TAFA2: variants seen among roughly 807,000 people sequenced by gnomAD.
TAFA2 encodes TAFA chemokine like family member 2.
Under a neutral mutation model 18.8 loss-of-function variants are expected in TAFA2, and 7 were observed. The ratio of observed to expected loss-of-function variants is 0.37; its 90% CI spans 0.21 to 0.70. The LOEUF (loss-of-function observed/expected upper bound fraction) is 0.70. Among genes scored for constraint, TAFA2 ranks in the 30% least tolerant of loss-of-function variants. The pLI is 0.53. For synonymous variants in TAFA2, 60 were observed against 54.2 expected, an observed-to-expected ratio of 1.11 and a Z score of -0.47; for missense variants, 122 against 158.1, an observed-to-expected ratio of 0.77 and a Z score of 1.23.
At chr12:61,995,906 C>A (rs1190734119) in intron 1 of TAFA2, among the ~76,000 whole-genome samples, 4 of 151,978 alleles carry the variant, frequency 2.6e-5, no homozygotes, top group African/African-American at 7.3e-5. Context: ...TGTAAATATA[C>A]AAAAATCATT....
intron 2 of TAFA2, among the ~76,000 whole-genome samples, chr12:61,821,967 G>A (rs771792105): frequency 3.9e-5 from 6 of 152,028 alleles, no homozygotes; most frequent in Non-Finnish European, 8.8e-5. Context: ...TACAGTTTAA[G>A]TATTGAATTA....
chr12:62,249,047 A>G (rs1385657078), intron 1 of TAFA2, among the ~76,000 whole-genome samples: 1 of 152,046 alleles, frequency 6.6e-6, no homozygotes, highest in Non-Finnish European at 1.5e-5. Context: ...CCCATGCCCC[A>G]GGGTAATTGT....
chr12:61,725,404 T>G (rs1214815588), intron 4 of TAFA2, among the ~76,000 whole-genome samples: 1 of 152,150 alleles, frequency 6.6e-6, no homozygotes, highest in Non-Finnish European at 1.5e-5. Context: ...TTCTAGAATT[T>G]TTATGGTTTC....
chr12:62,081,285 T>G (rs1159411422), intron 1 of TAFA2, among the ~76,000 whole-genome samples: 1 of 152,172 alleles, frequency 6.6e-6, no homozygotes, highest in Admixed American at 6.5e-5. Context: ...TTCAAGTTAC[T>G]TTCATAATTA....
intron 2 of TAFA2, among the ~76,000 whole-genome samples, chr12:61,761,871 C>T (rs565395821): frequency 6.6e-6 from 1 of 152,150 alleles, no homozygotes; most frequent in African/African-American, 2.4e-5. Flanking sequence ...AAGATGGGTC[C>T]TGGTGGAAGG....
intron 2 of TAFA2, among the ~76,000 whole-genome samples, chr12:61,818,303 C>T (rs2121037045): frequency 6.6e-6 from 1 of 152,138 alleles, no homozygotes; most frequent in Non-Finnish European, 1.5e-5. Context: ...TTTTAACCTA[C>T]ACTGAATAGG....
chr12:62,019,625 A>G (rs868340406), intron 1 of TAFA2, among the ~76,000 whole-genome samples: 1 of 145,682 alleles, frequency 6.9e-6, no homozygotes. Flanking sequence ...AACAATGGGA[A>G]CACATGGACA....
At chr12:61,970,020 C>T (rs541304209) in intron 1 of TAFA2, among the ~76,000 whole-genome samples, 2 of 151,508 alleles carry the variant, frequency 1.3e-5, no homozygotes, top group Admixed American at 6.6e-5. Flanking sequence ...AATAAGAGGC[C>T]TAGACTCAAA....
At chr12:61,785,862 G>A (rs1870716536) in intron 2 of TAFA2, among the ~76,000 whole-genome samples, 2 of 151,488 alleles carry the variant, frequency 1.3e-5, no homozygotes, top group Non-Finnish European at 3.0e-5. Context: ...AATCTAGGAA[G>A]AGTTTAAGCC....
chr12:61,843,825 G>GTAGCA (rs1484908720), intron 2 of TAFA2, among the ~76,000 whole-genome samples: 1 of 152,150 alleles, frequency 6.6e-6, no homozygotes, highest in East Asian at 1.9e-4. Flanking sequence ...AACTTGTGAA[G>GTAGCA]TAGCAAGCTG....
chr12:62,011,986 G>T (rs1469556147), intron 1 of TAFA2, among the ~76,000 whole-genome samples: 1 of 152,272 alleles, frequency 6.6e-6, no homozygotes, highest in Admixed American at 6.5e-5. Context: ...TATGAGAATA[G>T]ATCCCTAATA....
chr12:61,972,811 T>C (rs567641850), intron 1 of TAFA2, among the ~76,000 whole-genome samples: 1 of 151,514 alleles, frequency 6.6e-6, no homozygotes, highest in Non-Finnish European at 1.5e-5. Context: ...ACAAAAGATA[T>C]CTCAGGAAAA....
At chr12:61,941,603 G>C (rs1049892143) in intron 1 of TAFA2, among the ~76,000 whole-genome samples, 1 of 152,236 alleles carries the variant, frequency 6.6e-6, no homozygotes, top group Non-Finnish European at 1.5e-5. Flanking sequence ...CGTGCACCGT[G>C]CGTGAGCCGA....
In TAFA2 at chr12:61,729,033, A is replaced by AC. The variant is rs1555196975; in HGVS notation, c.385-18617_385-18616insG. 4.5e-3 allele frequency among the ~76,000 whole-genome samples: 681 copies of AC among 149,874 alleles called. 6 individuals are homozygous for AC. The highest frequency in any genetic ancestry group is 5.6e-3 in the Non-Finnish European group (376 of 67,306). On this transcript the variant is annotated intron_variant, in intron 4 of 4. Transcript: ENST00000416284. ...TCACTGAATACAAAATTCTTGGCTG[A>AC]TTTTTTTTTTCATTTAAGAAGGCTA...
At chr12:62,070,673 GAA>G (rs1422817225) in intron 1 of TAFA2, 1 of 152,148 alleles carries the variant, frequency 6.6e-6, no homozygotes, top group Non-Finnish European at 1.5e-5. Flanking sequence ...GCTTTCCACA[GAA>G]AAGCCTCCTA....
intron 4 of TAFA2, among the ~76,000 whole-genome samples, chr12:61,715,166 T>C (rs1411992767): frequency 6.6e-6 from 1 of 152,126 alleles, no homozygotes; most frequent in Non-Finnish European, 1.5e-5. Flanking sequence ...GCGGTATTAC[T>C]TCTTATTTCT....
chr12:61,815,279 C>T (rs796776120), intron 2 of TAFA2, among the ~76,000 whole-genome samples: 8 of 151,204 alleles, frequency 5.3e-5, no homozygotes, highest in Admixed American at 2.0e-4. Context: ...TAGAGTAAAC[C>T]AGTTTGGCAT....
At chr12:62,083,352 T>G (rs756443589) in intron 1 of TAFA2, among the ~76,000 whole-genome samples, 2 of 151,950 alleles carry the variant, frequency 1.3e-5, no homozygotes, top group South Asian at 2.1e-4. Context: ...ATTACAAGAG[T>G]GTCTTCTCAG....
intron 1 of TAFA2, among the ~76,000 whole-genome samples, chr12:62,029,088 C>T (rs1180890716): frequency 6.6e-6 from 1 of 152,064 alleles, no homozygotes; most frequent in African/African-American, 2.4e-5. Context: ...AATGTCCTCA[C>T]CATATTTAAT....
Sources: allele counts gnomAD v4.1 joint callset (sites outside exome capture counted in the v4.1 genomes callset), GRCh38; gene constraint gnomAD v4.1.1; transcripts MANE v1.5; gene names NCBI Gene and HGNC (gene_info 2026-07-23, HGNC 2026-07-21).